Variants in GCNT4 observed in about 807,000 individuals in gnomAD.
GCNT4 encodes the protein beta-1,3-galactosyl-O-glycosyl-glycoprotein beta-1,6-N-acetylglucosaminyltransferase 4.
In GCNT4, 17 loss-of-function variants were observed where a neutral mutation model predicts 31.3. The ratio of observed to expected loss-of-function variants is 0.54; its 90% confidence interval spans 0.37 to 0.81. The LOEUF (loss-of-function observed/expected upper bound fraction) is 0.81, where lower values mean the gene tolerates loss of function less well. Ranked by LOEUF, GCNT4 falls within the 40% of genes least tolerant of loss-of-function variation. The probability of loss-of-function intolerance (pLI) is 0.00; values close to 1 mark genes in which losing one functional copy is unlikely to be tolerated. For missense variants in GCNT4, 503 were observed against 525.5 expected, an observed-to-expected ratio of 0.96 and a Z score of 0.42; for synonymous variants, 158 against 190.6, an observed-to-expected ratio of 0.83 and a Z score of 1.41.
intron 3 of GCNT4, chr5:75,030,314 T>G (rs74826834): frequency 0.068 from 25,264 of 369,802 alleles, 1,019 homozygotes; most frequent in Middle Eastern, 0.11. Context: ...AATATAAATA[T>G]AGTGTGTCTT....
intron 2 of GCNT4, among the ~76,000 whole-genome samples, chr5:75,048,438 G>A (rs1231763076): frequency 1.3e-5 from 2 of 152,202 alleles, no homozygotes; most frequent in Non-Finnish European, 2.9e-5. Context: ...GTGGAGAAAC[G>A]TGGTTTGACA....
intron 3 of GCNT4, among the ~76,000 whole-genome samples, chr5:75,038,315 G>C (rs1014703288): frequency 3.9e-5 from 6 of 152,102 alleles, no homozygotes; most frequent in Admixed American, 2.0e-4. Context: ...AGTTCCTGAA[G>C]AAGCCCAGAA....
rs142451566 is a variant in GCNT4 at position 75,026,242 on chromosome 5, G to A, written c.*2434C>T. 9.5e-4 allele frequency: 145 copies of A among 152,278 alleles called. No individual in the cohort carries two copies. The highest frequency in any genetic ancestry group is 3.4e-3 in the Middle Eastern group (1 of 294). The allele number at this position is 152,278 out of a possible 1,614,324, so 9.4% of individuals were successfully genotyped here. A position where few individuals can be genotyped will look rare whatever the true frequency, so the allele number is the denominator to read the frequency against. On this transcript the variant is annotated 3_prime_UTR_variant, in exon 4 of 4. Transcript: ENST00000652361. ...ACCAGGAGGCAAGACAGTGGATCAG[G>A]AGGTTATTTGTTTTTCAGCATTTAC...
chr5:75,043,285 G>T (rs191679483), intron 3 of GCNT4, among the ~76,000 whole-genome samples: 12 of 152,292 alleles, frequency 7.9e-5, no homozygotes, highest in Admixed American at 7.8e-4. Flanking sequence ...CATAAAAAGA[G>T]ATCTGTGGGA....
In GCNT4 at chr5:75,045,481, A is replaced by T. The variant is rs868578235; in HGVS notation, c.-2+2416T>A. Among the ~76,000 whole-genome samples the T allele has an allele frequency of 4.1e-4, 63 of 152,342 alleles. 1 individual carries two copies. Among genetic ancestry groups the T allele is most frequent in the African/African-American group, 1.5e-3 (61 of 41,568 alleles). ...AAATTTCTTCCCTTTTTAAGACTAA[A>T]TAATATTCCATTGTATGTATACATT... On this transcript the variant is annotated intron_variant, in intron 3 of 3. Transcript: ENST00000652361.
Position 75,052,173 on chromosome 5 carries a change from G to A in GCNT4, c.-147C>T, listed in dbSNP as rs543381846. On this transcript the variant is annotated 5_prime_UTR_variant, in exon 2 of 4. Transcript: ENST00000652361. ...GGGCGACTTCTGTCTACTCACATGA[G>A]ACAATTAAACGCATTATATTAGCCC... 3.5e-5 allele frequency: 5 copies of A among 143,916 alleles called. No individual in the cohort carries two copies. Among genetic ancestry groups the A allele is most frequent in the African/African-American group, 1.3e-4 (5 of 38,560 alleles). The allele number at this position is 143,916 out of a possible 1,614,324, so 8.9% of individuals were successfully genotyped here.
Position 75,029,275 on chromosome 5 carries a change from C to T in GCNT4, c.763G>A (p.Val255Met), listed in dbSNP as rs370888383. The T allele has an allele frequency of 6.9e-5, 111 of 1,614,006 alleles. No individual in the cohort carries two copies. Among genetic ancestry groups the T allele is most frequent in the Admixed American group, 2.7e-4 (16 of 59,990 alleles). ...KLNGANMLET[V>M]KPPNSKLERF... ...TCCAATTTACTGTTTGGGGGTTTCA[C>T]CGTCTCCAACATATTTGCTCCATTG... Residue 255 changes from valine to methionine, a missense_variant, in exon 4 of 4, where the codon GTG becomes ATG. Transcript: ENST00000652361.
chr5:75,028,703 C>T lies in GCNT4; in HGVS notation c.1335G>A (p.Met445Ile), dbSNP rs751561234. ...WITLPSEKLF[M>I]DRNLTTTS ...ATGATGTGGTAGTGAGATTTCTATC[C>T]ATAAATAACTTTTCTGAGGGCAAAG... is the stretch of plus-strand genomic sequence containing the variant. The change falls in exon 4 of 4, where the codon ATG (methionine) becomes ATA (isoleucine). Residue 445 changes from methionine (M) to isoleucine (I), a missense_variant. Transcript: ENST00000652361. 5.6e-6 allele frequency: 9 copies of T among 1,612,366 alleles called. No individual in the cohort carries two copies. The highest frequency in any genetic ancestry group is 7.6e-6 in the Non-Finnish European group (9 of 1,179,510).
rs1483502781 is a variant in GCNT4, at chr5:75,047,242, C to A, written c.-2+655G>T. On this transcript the variant is annotated intron_variant, in intron 3 of 3. Transcript: ENST00000652361. ...CTTAAGTCAATTTAATTCTCAGGCC[C>A]AACTGAAAAACTGTAGGAGTGCAGA... Among the ~76,000 whole-genome samples the A allele has an allele frequency of 2.0e-5, 3 of 152,294 alleles. No homozygotes were observed. The East Asian group carries it at 5.8e-4, about 29-fold the overall frequency.
chr5:75,039,010 T>C (rs948953958), intron 3 of GCNT4, among the ~76,000 whole-genome samples: 9 of 152,300 alleles, frequency 5.9e-5, no homozygotes, highest in African/African-American at 1.9e-4. Context: ...CAGCGACACA[T>C]ACCTGTCCCT....
At chr5:75,019,572 G>C in the GCNT4 span, among the ~76,000 whole-genome samples, 1 of 152,220 alleles carries the variant, frequency 6.6e-6, no homozygotes, top group African/African-American at 2.4e-5. Context: ...GGTGACCTCA[G>C]CCATATCTGT....
chr5:75,034,984 G>A (rs1156451592), intron 3 of GCNT4, among the ~76,000 whole-genome samples: 3 of 99,246 alleles, frequency 3.0e-5, no homozygotes, highest in Non-Finnish European at 6.1e-5. Context: ...CAGCTAAGCG[G>A]ACACGACCGC....
intron 3 of GCNT4, among the ~76,000 whole-genome samples, chr5:75,044,647 A>G (rs1561377946): frequency 6.6e-6 from 1 of 152,024 alleles, no homozygotes; most frequent in Non-Finnish European, 1.5e-5. Flanking sequence ...TCTGTAAACA[A>G]GGACTGGGCT....
intron 3 of GCNT4, among the ~76,000 whole-genome samples, chr5:75,032,490 A>T (rs1192630656): frequency 6.6e-6 from 1 of 152,082 alleles, no homozygotes; most frequent in Non-Finnish European, 1.5e-5. Flanking sequence ...AGAGTTACCC[A>T]ACTTGTCCAT....
At chr5:75,052,604 G>A (rs1218368604), upstream of GCNT4, 2 of 152,254 alleles carry the variant, frequency 1.3e-5, no homozygotes. Context: ...ACTGGTCTCT[G>A]GGAAGGGCGC....
chr5:75,050,976 T>C (rs990282712), intron 2 of GCNT4, among the ~76,000 whole-genome samples: 3 of 152,250 alleles, frequency 2.0e-5, no homozygotes, highest in African/African-American at 7.2e-5. Flanking sequence ...GAAACTGTCC[T>C]GAGGATCCAC....
At chr5:75,047,510 G>A (rs1172023480) in intron 3 of GCNT4, among the ~76,000 whole-genome samples, 2 of 152,230 alleles carry the variant, frequency 1.3e-5, no homozygotes, top group African/African-American at 2.4e-5. Flanking sequence ...TGGGGTTTTG[G>A]GGGAGGCTTG....
At chr5:75,031,219 T>C (rs1456133818) in intron 3 of GCNT4, among the ~76,000 whole-genome samples, 1 of 152,030 alleles carries the variant, frequency 6.6e-6, no homozygotes, top group Non-Finnish European at 1.5e-5. Context: ...GAACCACAGG[T>C]GTGTGCCACC....
chr5:75,023,870 G>T (rs954295502), downstream of GCNT4: 8 of 152,166 alleles, frequency 5.3e-5, no homozygotes, highest in Admixed American at 4.6e-4. Context: ...ATTCTTTTCT[G>T]GCTGTTTGTC....
Sources: gnomAD v4.1 joint callset for allele counts (sites outside exome capture counted in the v4.1 genomes callset) on GRCh38, gnomAD v4.1.1 for gene constraint, MANE v1.5 for transcripts, NCBI Gene and HGNC (gene_info 2026-07-23, HGNC 2026-07-21) for gene names.